Variants in CDH12 observed in about 807,000 individuals in gnomAD.
CDH12 encodes cadherin-12.
In CDH12, 41 loss-of-function variants were observed where a neutral mutation model predicts 74.1. The observed-to-expected ratio is 0.55, with a 90% CI of 0.43 to 0.72. CDH12 has a LOEUF of 0.72. Ranked by LOEUF, CDH12 falls within the 30% of genes least tolerant of loss-of-function variation. The pLI, the probability that CDH12 is intolerant of heterozygous loss-of-function variation, is 0.00. For missense variants in CDH12, 945 were observed against 977.2 expected (o/e 0.97, Z 0.44); for synonymous variants, 399 against 355.0 (o/e 1.12, Z -1.39).
intron 5 of CDH12, among the ~76,000 whole-genome samples, chr5:22,021,281 T>A (rs1737956461): frequency 6.6e-6 from 1 of 152,212 alleles, no homozygotes; most frequent in Non-Finnish European, 1.5e-5. Flanking sequence ...CTCAAAAAGT[T>A]TCAGATTTTG....
At chr5:22,250,809 A>G (rs563729776) in intron 3 of CDH12, among the ~76,000 whole-genome samples, 1 of 152,288 alleles carries the variant, frequency 6.6e-6, no homozygotes, top group South Asian at 2.1e-4. Context: ...GCTTGCCCTT[A>G]ATGGAAAGGA....
intron 3 of CDH12, among the ~76,000 whole-genome samples, chr5:22,285,727 C>G (rs1737106481): frequency 6.6e-6 from 1 of 152,034 alleles, no homozygotes; most frequent in Non-Finnish European, 1.5e-5. Flanking sequence ...TGAAAGATAT[C>G]ATTTTGCTCT....
rs1446035493 is a variant in CDH12 at position 21,905,290 on chromosome 5, AAACT to A, written c.527-50504_527-50501del. Among the ~76,000 whole-genome samples the A allele has an allele frequency of 2.0e-5, 3 of 152,352 alleles. No individual in the cohort carries two copies. The East Asian group carries it at 5.8e-4, about 29-fold the overall frequency. On this transcript the variant is annotated intron_variant, in intron 6 of 14. Coordinates refer to ENST00000382254, the MANE Select transcript of CDH12 (RefSeq NM_004061.5). ...ACACAGAAATGACAAAACAAGATAA[AAACT>A]AACTAAATTTTAAAATTACAAAGAT...
rs558951651 is a variant in CDH12 at position 21,974,820 on chromosome 5, A to AT, written c.526+270dup. ...AACAATCAATTTCAATACAAAATAC[A>AT]TTTTTTGCTTAAAGCATGCAAGGAT... On this transcript the variant is annotated intron_variant, in intron 6 of 14. Coordinates refer to ENST00000382254, the MANE Select transcript of CDH12 (RefSeq NM_004061.5). Among the ~76,000 whole-genome samples, 10 of 152,252 alleles carry AT rather than the reference A, an allele frequency of 6.6e-5. No homozygotes were observed. The East Asian group carries it at 1.9e-3, about 29-fold the overall frequency.
chr5:22,634,920 A>G (rs1738762687), intron 1 of CDH12, among the ~76,000 whole-genome samples: 1 of 152,112 alleles, frequency 6.6e-6, no homozygotes, highest in Admixed American at 6.6e-5. Context: ...TAAGATGACA[A>G]TACTCCCCAA....
chr5:22,367,740 C>G lies in CDH12; in HGVS notation c.-333+37517G>C, dbSNP rs116695522. Among the ~76,000 whole-genome samples, 941 of 152,250 alleles carry G rather than the reference C, an allele frequency of 6.2e-3. 9 individuals carry two copies. The highest frequency in any genetic ancestry group is 0.022 in the African/African-American group (895 of 41,568). On this transcript the variant is annotated intron_variant, in intron 3 of 14. Transcript: ENST00000382254. ...CATTCCTCTCTAATAGTAGAGATAACACCTTTGTCTATTTTATTACATATT... is the reference window on the plus strand; with the variant it reads ...CATTCCTCTCTAATAGTAGAGATAAGACCTTTGTCTATTTTATTACATATT...
At chr5:22,763,686 C>T (rs1746347743) in intron 1 of CDH12, among the ~76,000 whole-genome samples, 2 of 151,912 alleles carry the variant, frequency 1.3e-5, no homozygotes, top group Non-Finnish European at 1.5e-5. Flanking sequence ...CTCATGGGCT[C>T]TTTTTCCCAT....
At chr5:22,785,511 G>T (rs1388480190) in intron 1 of CDH12, among the ~76,000 whole-genome samples, 3 of 151,878 alleles carry the variant, frequency 2.0e-5, no homozygotes, top group Admixed American at 2.0e-4. Context: ...TTTGTTGTTG[G>T]TGGTTTTTTG....
chr5:22,386,871 A>C (rs376702392), intron 3 of CDH12, among the ~76,000 whole-genome samples: 8 of 152,004 alleles, frequency 5.3e-5, no homozygotes, highest in East Asian at 3.9e-4. Flanking sequence ...AATTTTAAAA[A>C]AGCAAATTTG....
At chr5:22,387,742 A>G (rs1372817513) in intron 3 of CDH12, among the ~76,000 whole-genome samples, 1 of 152,158 alleles carries the variant, frequency 6.6e-6, no homozygotes, top group Non-Finnish European at 1.5e-5. Context: ...AGAGTTCTTT[A>G]GATATCTTAA....
At chr5:22,527,953 C>T (rs1387916422) in intron 1 of CDH12, among the ~76,000 whole-genome samples, 1 of 152,088 alleles carries the variant, frequency 6.6e-6, no homozygotes, top group South Asian at 2.1e-4. Context: ...ATTTATGTTG[C>T]ACCTGCTGCT....
chr5:22,279,753 C>T (rs1400527079), intron 3 of CDH12, among the ~76,000 whole-genome samples: 1 of 152,158 alleles, frequency 6.6e-6, no homozygotes, highest in Admixed American at 6.5e-5. Flanking sequence ...ATATGTGTCA[C>T]ATTTTCTTAA....
intron 9 of CDH12, among the ~76,000 whole-genome samples, chr5:21,814,929 AAACT>A (rs1747961235): frequency 1.3e-5 from 2 of 151,988 alleles, no homozygotes; most frequent in Admixed American, 1.3e-4. Context: ...AGAGAAAAAC[AAACT>A]AAATAACAAT....
At chr5:21,950,112 C>T (rs1487902746) in intron 6 of CDH12, among the ~76,000 whole-genome samples, 1 of 151,986 alleles carries the variant, frequency 6.6e-6, no homozygotes, top group Non-Finnish European at 1.5e-5. Flanking sequence ...TTTAGATACA[C>T]AAATATTTAC....
intron 3 of CDH12, among the ~76,000 whole-genome samples, chr5:22,303,112 T>C (rs1388448276): frequency 2.0e-5 from 3 of 152,218 alleles, no homozygotes; most frequent in East Asian, 3.9e-4. Flanking sequence ...AACATGAAGA[T>C]AGTATATCTG....
chr5:22,579,145 C>A (rs383345), intron 1 of CDH12, among the ~76,000 whole-genome samples: 83,928 of 151,880 alleles, frequency 0.55, 23,514 homozygotes, highest in East Asian at 0.68. Flanking sequence ...AAGAGTTCAA[C>A]TCTCTGTATA....
chr5:22,377,339 G>C (rs187387513), intron 3 of CDH12, among the ~76,000 whole-genome samples: 2 of 152,094 alleles, frequency 1.3e-5, no homozygotes, highest in East Asian at 3.9e-4. Flanking sequence ...TAAAAGTTTG[G>C]TAGAGTCACT....
intron 1 of CDH12, among the ~76,000 whole-genome samples, chr5:22,654,095 C>T (rs11747337): frequency 1.4e-5 from 2 of 145,294 alleles, no homozygotes; most frequent in African/African-American, 5.1e-5. Flanking sequence ...TTCCTTTCTT[C>T]CTTCCTTCCT....
At chr5:21,942,357 C>T (rs368136958) in intron 6 of CDH12, among the ~76,000 whole-genome samples, 27,185 of 131,494 alleles carry the variant, frequency 0.21, 4,174 homozygotes, top group African/African-American at 0.46. Flanking sequence ...TACACACACA[C>T]ACACACACAC....
Sources: gnomAD v4.1 joint callset for allele counts (sites outside exome capture counted in the v4.1 genomes callset) on GRCh38, gnomAD v4.1.1 for gene constraint, MANE v1.5 for transcripts, NCBI Gene and HGNC (gene_info 2026-07-23, HGNC 2026-07-21) for gene names.